SCAPER: variants seen among roughly 807,000 people sequenced by gnomAD.
SCAPER encodes the protein S phase cyclin A-associated protein in the endoplasmic reticulum.
SCAPER carries 98 observed loss-of-function variants against 182.2 expected under a neutral mutation model. The observed-to-expected ratio is 0.54, with a 90% CI of 0.46 to 0.64. The LOEUF is 0.64. SCAPER is among the 30% of genes least tolerant of loss of function. SCAPER has a pLI of 0.00. For synonymous variants in SCAPER, 605 were observed against 564.6 expected, an observed-to-expected ratio of 1.07 and a Z score of -1.01; for missense variants, 1,432 against 1,690.0, an observed-to-expected ratio of 0.85 and a Z score of 2.68.
chr15:76,483,938 T>G (rs952648817), intron 24 of SCAPER, among the ~76,000 whole-genome samples: 5 of 152,162 alleles, frequency 3.3e-5, no homozygotes, highest in African/African-American at 9.7e-5. Context: ...AGTTTGGTAG[T>G]TCTTTATAAA....
intron 5 of SCAPER, among the ~76,000 whole-genome samples, chr15:76,834,808 G>A (rs56712156): frequency 0.14 from 21,358 of 151,994 alleles, 2,167 homozygotes; most frequent in East Asian, 0.48. Context: ...TAAAAGAAAC[G>A]GATAAATTTC....
chr15:76,631,686 G>A (rs2053124837), intron 21 of SCAPER, among the ~76,000 whole-genome samples: 1 of 152,164 alleles, frequency 6.6e-6, no homozygotes, highest in African/African-American at 2.4e-5. Flanking sequence ...CTTTACAGGT[G>A]ACTTGGCCTT....
intron 29 of SCAPER, among the ~76,000 whole-genome samples, chr15:76,371,640 C>T (rs1226249033): frequency 3.3e-5 from 5 of 149,610 alleles, no homozygotes; most frequent in Non-Finnish European, 7.4e-5. Flanking sequence ...AACATACGGC[C>T]GGGTGTGGTG....
In SCAPER at chr15:76,723,789, T is replaced by C. The variant is rs114833082; in HGVS notation, c.2165+4806A>G. Among the ~76,000 whole-genome samples, 1,239 of 152,286 alleles carry C rather than the reference T, an allele frequency of 8.1e-3. 13 individuals carry two copies. Among genetic ancestry groups the C allele is most frequent in the African/African-American group, 0.028 (1,176 of 41,564 alleles). On this transcript the variant is annotated intron_variant, in intron 17 of 31. Coordinates refer to ENST00000563290, the MANE Select transcript of SCAPER (RefSeq NM_020843.4). ...TTCCATTTGCCTGGTAGATCTTCCT[T>C]CATCCCTTTTTTGTGAGCCTATGTG... is the stretch of plus-strand genomic sequence containing the variant.
intron 26 of SCAPER, 124 bp from the exon 27 acceptor site, chr15:76,404,803 G>T: frequency 1.3e-6 from 1 of 783,506 alleles, no homozygotes; most frequent in Non-Finnish European, 1.8e-6. Context: ...ACACAAGTTT[G>T]AGTAAAGCAT....
intron 23 of SCAPER, among the ~76,000 whole-genome samples, chr15:76,509,300 T>C (rs2041841209): frequency 6.6e-6 from 1 of 152,168 alleles, no homozygotes; most frequent in Non-Finnish European, 1.5e-5. Flanking sequence ...CTCCAAATTC[T>C]GAATATTCTA....
intron 14 of SCAPER, among the ~76,000 whole-genome samples, chr15:76,758,280 T>G (rs1458799661): frequency 6.6e-6 from 1 of 152,192 alleles, no homozygotes; most frequent in Admixed American, 6.5e-5. Flanking sequence ...AAGATAAGCA[T>G]CCAATTTCAA....
rs548118274 is a variant in SCAPER at position 76,594,272 on chromosome 15, A to G, written c.2712-19988T>C. Among the ~76,000 whole-genome samples, 11 of 120,624 alleles carry G rather than the reference A, an allele frequency of 9.1e-5. 1 individual carries two copies. In the East Asian group the frequency reaches 1.1e-3, roughly 12 times the overall value. The allele number at this position is 120,624 out of a possible 152,430, so 79.1% of individuals were successfully genotyped here. ...TGATATAAAGCATGAAGACAAGATTAGAGAAAAAAGAATAGAAAGGAATGA... is the reference window on the plus strand; with the variant it reads ...TGATATAAAGCATGAAGACAAGATTGGAGAAAAAAGAATAGAAAGGAATGA... On this transcript the variant is annotated intron_variant, in intron 22 of 31. Transcript: ENST00000563290.
At chr15:76,850,307 T>G (rs992211226) in intron 4 of SCAPER, among the ~76,000 whole-genome samples, 3 of 152,084 alleles carry the variant, frequency 2.0e-5, no homozygotes, top group African/African-American at 7.2e-5. Context: ...CAGCCTCTCC[T>G]CCCTAGGAAC....
chr15:76,811,727 G>A (rs1347222910), intron 5 of SCAPER, among the ~76,000 whole-genome samples: 1 of 152,036 alleles, frequency 6.6e-6, no homozygotes, highest in Non-Finnish European at 1.5e-5. Context: ...GGTGGAGGTT[G>A]CGGTGAGCTG....
intron 2 of SCAPER, among the ~76,000 whole-genome samples, chr15:76,872,835 A>AT (rs2072823088): frequency 6.6e-6 from 1 of 152,058 alleles, no homozygotes; most frequent in Non-Finnish European, 1.5e-5. Flanking sequence ...GATATGAAAA[A>AT]CAAAGTGTAT....
intron 17 of SCAPER, among the ~76,000 whole-genome samples, chr15:76,714,569 T>C (rs1196501501): frequency 4.0e-5 from 6 of 150,636 alleles, no homozygotes; most frequent in Non-Finnish European, 8.9e-5. Context: ...GTAGTAGCAG[T>C]AGTAGTAGTA....
At chr15:76,366,298 G>T (rs1441170181) in intron 29 of SCAPER, among the ~76,000 whole-genome samples, 1 of 152,144 alleles carries the variant, frequency 6.6e-6, no homozygotes, top group African/African-American at 2.4e-5. Flanking sequence ...GAGCTTTTGG[G>T]TGTTATGAGA....
intron 20 of SCAPER, among the ~76,000 whole-genome samples, chr15:76,676,671 AAATTT>A (rs1188191283): frequency 6.6e-6 from 1 of 151,938 alleles, no homozygotes; most frequent in East Asian, 1.9e-4. Flanking sequence ...GATACTATAT[AAATTT>A]AATTTTAAAC....
At chr15:76,552,232 G>A (rs868673945) in intron 23 of SCAPER, among the ~76,000 whole-genome samples, 6 of 152,212 alleles carry the variant, frequency 3.9e-5, no homozygotes, top group Middle Eastern at 3.4e-3. Flanking sequence ...GCAGTGAGCT[G>A]ACTGCGTCAC....
chr15:76,517,130 C>G (rs2042489319), intron 23 of SCAPER, among the ~76,000 whole-genome samples: 1 of 152,068 alleles, frequency 6.6e-6, no homozygotes, highest in South Asian at 2.1e-4. Flanking sequence ...TTGCATGTAA[C>G]TGCAAGTATG....
At chr15:76,424,757 G>A (rs1391564402) in intron 26 of SCAPER, among the ~76,000 whole-genome samples, 2 of 152,114 alleles carry the variant, frequency 1.3e-5, no homozygotes, top group South Asian at 2.1e-4. Context: ...GGCTGGTCCC[G>A]GTTGTTCCTT....
chr15:76,793,914 G>A (rs1229468404), intron 8 of SCAPER, among the ~76,000 whole-genome samples: 7 of 152,184 alleles, frequency 4.6e-5, no homozygotes, highest in Admixed American at 1.3e-4. Flanking sequence ...GCTCCACAGC[G>A]TCAGAATTAA....
chr15:76,848,707 T>C (rs1226869482), intron 4 of SCAPER, among the ~76,000 whole-genome samples: 1 of 152,166 alleles, frequency 6.6e-6, no homozygotes, highest in Non-Finnish European at 1.5e-5. Flanking sequence ...AATAACACAC[T>C]CAATTTGTCA....
Sources: gnomAD v4.1 joint callset for allele counts (sites outside exome capture counted in the v4.1 genomes callset) on GRCh38, gnomAD v4.1.1 for gene constraint, MANE v1.5 for transcripts, NCBI Gene and HGNC (gene_info 2026-07-23, HGNC 2026-07-21) for gene names.